ESRRG: variants seen among roughly 807,000 people sequenced by gnomAD.
ESRRG encodes estrogen-related receptor gamma.
In ESRRG, 13 loss-of-function variants were observed where a neutral mutation model predicts 44.0. The observed-to-expected ratio is 0.30, with a 90% confidence interval of 0.19 to 0.47. The LOEUF is 0.47. Ranked by LOEUF, ESRRG falls within the 20% of genes least tolerant of loss-of-function variation. ESRRG has a pLI of 1.00. For missense variants in ESRRG, 395 were observed against 580.6 expected (o/e 0.68, Z 3.29); for synonymous variants, 215 against 214.6 (o/e 1.00, Z -0.02).
intron 1 of ESRRG, among the ~76,000 whole-genome samples, chr1:216,940,593 G>A (rs919573562): frequency 2.6e-5 from 4 of 151,976 alleles, no homozygotes; most frequent in Admixed American, 2.0e-4. Context: ...ATAATTACTC[G>A]GGTGGCACCA....
At chr1:216,565,689 C>T (rs965680386) in intron 4 of ESRRG, among the ~76,000 whole-genome samples, 1 of 152,048 alleles carries the variant, frequency 6.6e-6, no homozygotes, top group African/African-American at 2.4e-5. Flanking sequence ...AGATAATATT[C>T]TATCATCATC....
intron 2 of ESRRG, among the ~76,000 whole-genome samples, chr1:216,934,127 A>T (rs188079291): frequency 6.6e-6 from 1 of 152,270 alleles, no homozygotes; most frequent in Non-Finnish European, 1.5e-5. Flanking sequence ...GTCTGTTCTC[A>T]CGCTGCTGAT....
intron 1 of ESRRG, among the ~76,000 whole-genome samples, chr1:216,996,509 T>TG (rs2076395668): frequency 6.6e-6 from 1 of 151,992 alleles, no homozygotes; most frequent in Non-Finnish European, 1.5e-5. Context: ...TTATGCATAC[T>TG]GGGGGCCTTA....
chr1:216,909,865 T>C (rs17684269), intron 2 of ESRRG, among the ~76,000 whole-genome samples: 13,008 of 152,140 alleles, frequency 0.086, 813 homozygotes, highest in Non-Finnish European at 0.13. Flanking sequence ...GAAATGAAAC[T>C]AGCACCATTA....
chr1:216,710,605 A>G (rs1183600887), intron 1 of ESRRG, among the ~76,000 whole-genome samples: 10 of 152,180 alleles, frequency 6.6e-5, no homozygotes, highest in Non-Finnish European at 1.5e-5. Flanking sequence ...GTCCTTAGCA[A>G]AAGAATCTGT....
At chr1:216,920,005 G>A (rs759324117) in intron 2 of ESRRG, among the ~76,000 whole-genome samples, 12 of 152,162 alleles carry the variant, frequency 7.9e-5, no homozygotes, top group African/African-American at 1.9e-4. Flanking sequence ...GTAGCACTAC[G>A]ATACAAGAGA....
intron 1 of ESRRG, among the ~76,000 whole-genome samples, chr1:216,961,881 A>T (rs1233750551): frequency 6.6e-6 from 1 of 152,158 alleles, no homozygotes; most frequent in African/African-American, 2.4e-5. Context: ...AAACACACAC[A>T]TATACGCACA....
At chr1:216,513,292 G>A (rs2043253059) in intron 6 of ESRRG, among the ~76,000 whole-genome samples, 1 of 152,174 alleles carries the variant, frequency 6.6e-6, no homozygotes, top group African/African-American at 2.4e-5. Flanking sequence ...TTTGGCGGCT[G>A]TAGAAACAGG....
At chr1:216,817,966 G>A (rs1356825572) in intron 2 of ESRRG, among the ~76,000 whole-genome samples, 1 of 151,598 alleles carries the variant, frequency 6.6e-6, no homozygotes, top group Non-Finnish European at 1.5e-5. Flanking sequence ...GACTGTATTC[G>A]GGATTTAAAT....
chr1:217,080,650 TTTG>T (rs150518414), intron 1 of ESRRG, among the ~76,000 whole-genome samples: 24,334 of 149,774 alleles, frequency 0.16, 2,323 homozygotes, highest in Admixed American at 0.22. Context: ...TGTTTGTTTG[TTTG>T]TTTGTTTTGT....
chr1:216,729,084 A>G (rs935332275), intron 2 of ESRRG, among the ~76,000 whole-genome samples: 3 of 152,284 alleles, frequency 2.0e-5, no homozygotes, highest in African/African-American at 7.2e-5. Flanking sequence ...AGTCAGCTTC[A>G]CCCATCTTAA....
intron 2 of ESRRG, among the ~76,000 whole-genome samples, chr1:216,825,401 T>C (rs752786054): frequency 1.3e-5 from 2 of 152,130 alleles, no homozygotes; most frequent in Non-Finnish European, 2.9e-5. Flanking sequence ...AATTGGGTTG[T>C]TGTAAGTGTC....
chr1:216,854,618 G>C (rs2095896286), intron 2 of ESRRG, among the ~76,000 whole-genome samples: 2 of 152,066 alleles, frequency 1.3e-5, no homozygotes, highest in African/African-American at 4.8e-5. Context: ...TCACTTCTTA[G>C]GGCAGGAGAA....
Position 216,507,027 on chromosome 1 carries a change from T to C in ESRRG, c.1289A>G (p.Lys430Arg), listed in dbSNP as rs1287921361. ...GATGTTGTAGAAATGCTGCACGGCC[T>C]TGGTAGAGGTCTGCCTCAGGAGTGG... Reference protein sequence around the residue: ...TLPLLRQTSTKAVQHFYNIKL... With the variant: ...TLPLLRQTSTRAVQHFYNIKL... Residue 430 changes from lysine (K) to arginine (R), a missense_variant, in exon 7 of 7, where the codon AAG becomes AGG. Physicochemically the swap from Lys to Arg is conservative, Grantham distance 26. This residue lies in a region of ESRRG where 167 missense variants were observed against 251.8 expected (regional missense o/e 0.66). Transcript: ENST00000408911. 1.2e-5 allele frequency: 20 copies of C among 1,614,012 alleles called. No homozygotes were observed. Among genetic ancestry groups the C allele is most frequent in the Non-Finnish European group, 1.6e-5 (19 of 1,180,026 alleles).
chr1:216,551,667 C>A (rs963980251), intron 5 of ESRRG, among the ~76,000 whole-genome samples: 1 of 151,988 alleles, frequency 6.6e-6, no homozygotes, highest in African/African-American at 2.4e-5. Flanking sequence ...TAATTTTAAC[C>A]AAATGTTATG....
chr1:216,660,297 T>A (rs916469954), intron 2 of ESRRG, among the ~76,000 whole-genome samples: 4 of 152,180 alleles, frequency 2.6e-5, no homozygotes, highest in African/African-American at 9.7e-5. Flanking sequence ...GGCCTTTAAA[T>A]GCATCCACAA....
chr1:217,093,783 CAA>C (rs1224810711), upstream of ESRRG, among the ~76,000 whole-genome samples: 2 of 136,612 alleles, frequency 1.5e-5, no homozygotes, highest in Admixed American at 7.4e-5. Context: ...ACCCCTGTCT[CAA>C]AAAAAAAAAC....
intron 2 of ESRRG, among the ~76,000 whole-genome samples, chr1:216,672,637 G>A (rs1377907625): frequency 2.6e-5 from 4 of 152,168 alleles, no homozygotes; most frequent in South Asian, 2.1e-4. Flanking sequence ...GGAGGCTGAG[G>A]CAGGAGGATC....
At chr1:216,980,507 C>A (rs2073770026) in intron 1 of ESRRG, among the ~76,000 whole-genome samples, 1 of 152,176 alleles carries the variant, frequency 6.6e-6, no homozygotes, top group South Asian at 2.1e-4. Context: ...CCAGCCATAT[C>A]TATCCCCATC....
Sources: allele counts gnomAD v4.1 joint callset (sites outside exome capture counted in the v4.1 genomes callset), GRCh38; gene constraint gnomAD v4.1.1; regional missense constraint gnomAD v4.1.1; transcripts MANE v1.5; gene names NCBI Gene and HGNC (gene_info 2026-07-23, HGNC 2026-07-21).